DNAH8: variants seen among roughly 807,000 people sequenced by gnomAD.
DNAH8 encodes axonemal beta dynein heavy chain 8.
Under a neutral mutation model 562.1 loss-of-function variants are expected in DNAH8, and 382 were observed. The ratio of observed to expected loss-of-function variants is 0.68; its 90% CI spans 0.63 to 0.74. The LOEUF (loss-of-function observed/expected upper bound fraction) is 0.74, where lower values mean the gene tolerates loss of function less well. Among genes scored for constraint, DNAH8 ranks in the 30% least tolerant of loss-of-function variants. The probability of loss-of-function intolerance (pLI) is 0.00; values close to 1 mark genes in which losing one functional copy is unlikely to be tolerated. For missense variants in DNAH8, 5,203 were observed against 5,620.4 expected (o/e 0.93, Z 2.37); for synonymous variants, 1,881 against 1,919.4 (o/e 0.98, Z 0.52).
chr6:38,819,287 G>T (rs986681531), intron 26 of DNAH8, among the ~76,000 whole-genome samples: 31 of 152,166 alleles, frequency 2.0e-4, no homozygotes, highest in African/African-American at 7.5e-4. Context: ...AGAAAATTCA[G>T]GATAATGGTT....
intron 16 of DNAH8, among the ~76,000 whole-genome samples, chr6:38,782,378 T>C (rs974189023): frequency 6.6e-6 from 1 of 152,126 alleles, no homozygotes; most frequent in Non-Finnish European, 1.5e-5. Context: ...CATCCTGGGT[T>C]CAAGCAATTC....
intron 91 of DNAH8, among the ~76,000 whole-genome samples, chr6:39,019,774 G>T (rs1262507003): frequency 6.6e-6 from 1 of 152,196 alleles, no homozygotes; most frequent in Non-Finnish European, 1.5e-5. Context: ...AGAGACCCAG[G>T]TGTTGTCAGA....
At chr6:38,832,513 G>T in intron 31 of DNAH8, 78 bp downstream of exon 31, 1 of 886,032 alleles carries the variant, frequency 1.1e-6, no homozygotes, top group Non-Finnish European at 1.8e-6. Context: ...TGAACCCTGA[G>T]GAATAGGTAC....
At chr6:38,720,470 A>G (rs1031047167) in intron 1 of DNAH8, among the ~76,000 whole-genome samples, 54 of 152,202 alleles carry the variant, frequency 3.5e-4, no homozygotes, top group Non-Finnish European at 7.3e-5. Flanking sequence ...CCCATTTTGG[A>G]TGGGCAGCAA....
intron 30 of DNAH8, among the ~76,000 whole-genome samples, chr6:38,830,634 C>CAAA (rs56761180): frequency 3.3e-5 from 3 of 90,448 alleles, no homozygotes; most frequent in Non-Finnish European, 2.2e-5. Context: ...GACTCTATCT[C>CAAA]AAAAAAAAAA....
At position 38,896,138 on chromosome 6, in the gene DNAH8, C is replaced by T; in HGVS notation, c.8853C>T (p.Tyr2951=). Residue 2951 remains tyrosine, a synonymous_variant, in exon 60 of 93, where the codon TAC becomes TAT. Transcript: ENST00000327475. ...CGTCGTGTATTCTTCCTGAACCATA[C>T]TTTGTGGATTTTCTTCGTGAGATGC... ...DAASCILPEP[Y]FVDFLREMPE... 6.2e-7 allele frequency: 1 copy of T among 1,613,772 alleles called. No homozygotes were observed.
chr6:38,786,044 A>G (rs992063788), intron 17 of DNAH8, among the ~76,000 whole-genome samples: 3 of 152,258 alleles, frequency 2.0e-5, no homozygotes, highest in Non-Finnish European at 4.4e-5. Context: ...AAACTAGCAC[A>G]TGCTTGTCTA....
At chr6:38,778,290 A>C in intron 13 of DNAH8, 98 bp from the exon 14 acceptor site, 2 of 630,188 alleles carry the variant, frequency 3.2e-6, no homozygotes, top group Non-Finnish European at 5.5e-6. Context: ...TTGAGGCTTG[A>C]GGCTATCTTA....
intron 61 of DNAH8, 37 bp from the exon 62 acceptor site, chr6:38,899,739 C>T: frequency 6.2e-7 from 1 of 1,609,458 alleles, no homozygotes; most frequent in Non-Finnish European, 8.5e-7. Flanking sequence ...ACATTGCATT[C>T]TTTTTTCAAA....
At position 38,791,658 on chromosome 6, in the gene DNAH8, T is replaced by A. The variant is rs1251689327; in HGVS notation, c.2885T>A (p.Met962Lys). Residue 962 changes from methionine (M) to lysine (K), a missense_variant, in exon 21 of 93, where the codon ATG becomes AAG. Coordinates refer to ENST00000327475, the MANE Select transcript of DNAH8 (RefSeq NM_001206927.2). ...AGTGGTGCTACCAAAGTAGAAGATA[T>A]GTTGACCCTCAATGAGGTATGCATT... ...PESGATKVED[M>K]LTLNETYTKE... is the part of the protein sequence containing the mutation. 6.2e-7 allele frequency: 1 copy of A among 1,613,690 alleles called. No homozygotes were observed. Among genetic ancestry groups the A allele is most frequent in the African/African-American group, 1.3e-5 (1 of 74,928 alleles).
At chr6:38,954,208 C>T (rs1331824598) in intron 82 of DNAH8, among the ~76,000 whole-genome samples, 1 of 152,132 alleles carries the variant, frequency 6.6e-6, no homozygotes, top group Non-Finnish European at 1.5e-5. Flanking sequence ...GCACGAGAGC[C>T]TTTCTAGGAG....
chr6:38,833,298 G>A (rs1774005231), intron 31 of DNAH8, among the ~76,000 whole-genome samples: 1 of 150,742 alleles, frequency 6.6e-6, no homozygotes, highest in Non-Finnish European at 1.5e-5. Context: ...TCATTCTATT[G>A]TTAAAGTAAA....
intron 8 of DNAH8, among the ~76,000 whole-genome samples, chr6:38,748,716 T>C (rs1765165471): frequency 6.6e-6 from 1 of 150,552 alleles, no homozygotes; most frequent in Non-Finnish European, 1.5e-5. Flanking sequence ...ATCGTGCCAC[T>C]GCACTCCAGC....
At position 38,734,536 on chromosome 6, in the gene DNAH8, A is replaced by G. The variant is rs1763930379; in HGVS notation, c.673A>G (p.Asn225Asp). 1 of 1,613,992 alleles carries G rather than the reference A, an allele frequency of 6.2e-7. No homozygotes were observed. ...GAKMMKLYID[N>D]AAPDKLKGLC... ...AAAAATGATGAAATTGTATATAGACAATGCAGCCCCGGATAAACTAAAAGG... is the reference window on the plus strand; with the variant it reads ...AAAAATGATGAAATTGTATATAGACGATGCAGCCCCGGATAAACTAAAAGG... The change falls in exon 5 of 93, where the codon AAT becomes GAT. Residue 225 changes from asparagine (N) to aspartate (D), a missense_variant. By Grantham distance (23) the Asn-to-Asp change is conservative. Transcript: ENST00000327475.
chr6:38,938,092 T>C lies in DNAH8; in HGVS notation c.11682T>C (p.Ala3894=), dbSNP rs533699288. The C allele has an allele frequency of 1.2e-6, 2 of 1,614,008 alleles. No homozygotes were observed. The highest frequency in any genetic ancestry group is 1.7e-5 in the Admixed American group (1 of 59,992). The change falls in exon 78 of 93, where the codon GCT becomes GCC. Residue 3894 remains alanine (A), a synonymous_variant. Transcript: ENST00000327475. ...AAACTGAGATCAAGATCAACGCGGC[T>C]CAGGAGGAGTTCCGGCCCGCAGCCA... The part of the protein sequence containing the change: ...AAETEIKINA[A]QEEFRPAATR...
intron 87 of DNAH8, 192 bp downstream of exon 87, chr6:38,984,499 A>G: frequency 1.8e-6 from 1 of 550,394 alleles, no homozygotes; most frequent in African/African-American, 1.9e-5. Context: ...CACACACAAC[A>G]ACCAGCAATT....
At chr6:38,791,503 T>C in intron 20 of DNAH8, 52 bp from the exon 21 acceptor site, 2 of 1,552,040 alleles carry the variant, frequency 1.3e-6, no homozygotes, top group Non-Finnish European at 1.7e-6. Flanking sequence ...GATGAAAACC[T>C]AGCTCTAAAG....
intron 70 of DNAH8, among the ~76,000 whole-genome samples, chr6:38,920,562 TAAC>T (rs1781623752): frequency 1.3e-5 from 2 of 152,146 alleles, no homozygotes. Context: ...GTTACCAAAG[TAAC>T]AATCCTAAAT....
At chr6:38,786,679 T>C in intron 17 of DNAH8, 86 bp from the exon 18 acceptor site, 1 of 1,393,330 alleles carries the variant, frequency 7.2e-7, no homozygotes, top group East Asian at 2.4e-5. Flanking sequence ...AAGTTAGTAA[T>C]CCAGGGGGCA....
Sources: gnomAD v4.1 joint callset for allele counts (sites outside exome capture counted in the v4.1 genomes callset) on GRCh38, gnomAD v4.1.1 for gene constraint, MANE v1.5 for transcripts, NCBI Gene and HGNC (gene_info 2026-07-23, HGNC 2026-07-21) for gene names.